SCNN1B: variants seen among roughly 807,000 people sequenced by gnomAD.
SCNN1B encodes sodium channel epithelial 1 subunit beta, also known as epithelial sodium channel subunit beta.
A neutral mutation model predicts 65.3 loss-of-function variants in SCNN1B; 46 were observed. The ratio of observed to expected loss-of-function variants is 0.70; its 90% confidence interval spans 0.56 to 0.90. The LOEUF (loss-of-function observed/expected upper bound fraction) is 0.90, where lower values mean the gene tolerates loss of function less well. Among genes scored for constraint, SCNN1B ranks in the 40% least tolerant of loss-of-function variants. The pLI, the probability that SCNN1B is intolerant of heterozygous loss-of-function variation, is 0.00. For synonymous variants in SCNN1B, 349 were observed against 330.6 expected, an observed-to-expected ratio of 1.06 and a Z score of -0.60; for missense variants, 751 against 830.5, an observed-to-expected ratio of 0.90 and a Z score of 1.18.
intron 1 of SCNN1B, among the ~76,000 whole-genome samples, chr16:23,322,466 A>AT (rs536445398): frequency 0.074 from 10,874 of 147,834 alleles, 1,333 homozygotes; most frequent in African/African-American, 0.25. Context: ...TGCTTGGCTA[A>AT]TTTTTTTTTT....
chr16:23,330,932 T>C (rs2142000966), intron 1 of SCNN1B, among the ~76,000 whole-genome samples: 1 of 152,204 alleles, frequency 6.6e-6, no homozygotes, highest in Non-Finnish European at 1.5e-5. Flanking sequence ...GGGTTATGGC[T>C]TCACATCTGG....
intron 2 of SCNN1B, among the ~76,000 whole-genome samples, chr16:23,294,256 C>T (rs370823455): frequency 3.3e-5 from 5 of 152,004 alleles, no homozygotes; most frequent in South Asian, 2.1e-4. Context: ...ATTAGCCACG[C>T]GAGATGGCGT....
At chr16:23,378,807 G>C (rs765493584) in intron 11 of SCNN1B, 40 bp downstream of exon 11, 1 of 1,596,602 alleles carries the variant, frequency 6.3e-7, no homozygotes, top group Admixed American at 1.7e-5. Flanking sequence ...AGACAGGGAA[G>C]GGGTCCAGAA....
At chr16:23,370,034 G>A (rs1477763673) in intron 5 of SCNN1B, among the ~76,000 whole-genome samples, 3 of 151,892 alleles carry the variant, frequency 2.0e-5, no homozygotes, top group Admixed American at 1.3e-4. Flanking sequence ...GGGTTCAAGC[G>A]ATTCTCCTGC....
intron 2 of SCNN1B, among the ~76,000 whole-genome samples, chr16:23,289,100 C>T (rs116400398): frequency 0.023 from 3,463 of 152,296 alleles, 145 homozygotes; most frequent in African/African-American, 0.078. Flanking sequence ...GATCAGCCTC[C>T]CCATACAGGG....
intron 5 of SCNN1B, among the ~76,000 whole-genome samples, chr16:23,369,266 T>C (rs1438337815): frequency 2.0e-5 from 3 of 152,140 alleles, no homozygotes; most frequent in Non-Finnish European, 4.4e-5. Flanking sequence ...TAATTTTTTG[T>C]AGAGATAAGG....
intron 1 of SCNN1B, among the ~76,000 whole-genome samples, chr16:23,311,034 G>T (rs931526544): frequency 2.0e-5 from 3 of 152,362 alleles, no homozygotes; most frequent in African/African-American, 7.2e-5. Flanking sequence ...GGTGCAAATC[G>T]GTGCAAGCTC....
At chr16:23,332,995 TG>T (rs1168058535) in intron 1 of SCNN1B, among the ~76,000 whole-genome samples, 1 of 151,334 alleles carries the variant, frequency 6.6e-6, no homozygotes. Flanking sequence ...CGCTTGAACC[TG>T]GGGGGCAGAG....
At chr16:23,377,458 C>T in intron 10 of SCNN1B, 72 bp downstream of exon 10, 1 of 1,478,464 alleles carries the variant, frequency 6.8e-7, no homozygotes, top group Non-Finnish European at 9.5e-7. Context: ...AAGATGTGGG[C>T]TATTTGGAAA....
At chr16:23,349,790 T>G (rs1417579376) in intron 2 of SCNN1B, among the ~76,000 whole-genome samples, 3 of 151,972 alleles carry the variant, frequency 2.0e-5, no homozygotes, top group Non-Finnish European at 2.9e-5. Context: ...TCATCATCAT[T>G]ATGATGATAA....
At chr16:23,334,024 T>C (rs1371957012) in intron 1 of SCNN1B, among the ~76,000 whole-genome samples, 1 of 152,096 alleles carries the variant, frequency 6.6e-6, no homozygotes, top group Non-Finnish European at 1.5e-5. Flanking sequence ...GCGATGTGGA[T>C]GGGAATTACT....
chr16:23,374,867 C>T (rs557893889), intron 7 of SCNN1B, among the ~76,000 whole-genome samples: 57 of 152,000 alleles, frequency 3.8e-4, no homozygotes, highest in African/African-American at 1.3e-3. Context: ...GTAGTCAGGA[C>T]CTAGGAAACT....
rs970234754 is a variant in SCNN1B, at chr16:23,348,501, G to A, written c.-8-91G>A. 4.1e-6 allele frequency: 5 copies of A among 1,217,670 alleles called. No homozygotes were observed. The Admixed American group carries it at 5.7e-5, about 14-fold the overall frequency. 75.4% of individuals were successfully genotyped at this position (1,217,670 alleles called of 1,614,324 possible). A position where few individuals can be genotyped will look rare whatever the true frequency, so the allele number is the denominator to read the frequency against. On this transcript the variant is annotated intron_variant, in intron 1 of 12. Transcript: ENST00000343070. This position sits in a 1 kb window ranked among gnomAD's most constrained non-coding sequence, Gnocchi z 4.5. ...GTAAAGAGGGAGGAAGAACGGGGAC[G>A]TACCGCCGCCCAGTTCCTGGACGTG...
chr16:23,371,209 G>C, intron 5 of SCNN1B, 90 bp from the exon 6 acceptor site: 1 of 1,479,202 alleles, frequency 6.8e-7, no homozygotes. Context: ...GAGGTCCCCT[G>C]GCCGGAGGGA....
At chr16:23,371,246 C>T in intron 5 of SCNN1B, 53 bp from the exon 6 acceptor site, 1 of 1,602,286 alleles carries the variant, frequency 6.2e-7, no homozygotes, top group Non-Finnish European at 8.5e-7. Flanking sequence ...AGTGGGGTCT[C>T]CTTTCTGCCT....
At chr16:23,298,411 CAGTCATATTT>C, upstream of SCNN1B, among the ~76,000 whole-genome samples, 1 of 152,176 alleles carries the variant, frequency 6.6e-6, no homozygotes, top group Non-Finnish European at 1.5e-5. Context: ...AGCAGCCTAG[CAGTCATATTT>C]ATACCCACTT....
chr16:23,306,791 G>A (rs1384817255), intron 1 of SCNN1B, among the ~76,000 whole-genome samples: 1 of 152,214 alleles, frequency 6.6e-6, no homozygotes, highest in Non-Finnish European at 1.5e-5. Flanking sequence ...AAGAAGTGAT[G>A]TAGTCTGTTG....
intron 2 of SCNN1B, among the ~76,000 whole-genome samples, chr16:23,286,242 T>C (rs900693063): frequency 6.6e-6 from 1 of 152,180 alleles, no homozygotes; most frequent in Non-Finnish European, 1.5e-5. Flanking sequence ...GCATTAGAAC[T>C]TTGCAACTCC....
intron 1 of SCNN1B, among the ~76,000 whole-genome samples, chr16:23,281,955 G>A (rs898363532): frequency 3.9e-5 from 6 of 152,166 alleles, no homozygotes; most frequent in African/African-American, 1.4e-4. Flanking sequence ...ACTTTGGGAG[G>A]CCGAGGTGGG....
Sources: gnomAD v4.1 joint callset for allele counts (sites outside exome capture counted in the v4.1 genomes callset) on GRCh38, gnomAD v4.1.1 for gene constraint, Gnocchi (gnomAD v3.1) non-coding constraint, MANE v1.5 for transcripts, NCBI Gene and HGNC (gene_info 2026-07-23, HGNC 2026-07-21) for gene names.